SPAG16: variants seen among roughly 807,000 people sequenced by gnomAD.
SPAG16 encodes the protein sperm associated antigen 16, also known as sperm-associated antigen 16 protein.
In SPAG16, 86 loss-of-function variants were observed where a neutral mutation model predicts 80.4. That is an observed-to-expected ratio of 1.07 (90% CI 0.90 to 1.28). SPAG16 has a LOEUF of 1.28. Among genes scored for constraint, SPAG16 ranks in the 50% most tolerant of loss-of-function variants. The pLI is 0.00. For synonymous variants in SPAG16, 294 were observed against 265.9 expected (o/e 1.11, Z -1.03); for missense variants, 870 against 765.3 (o/e 1.14, Z -1.61).
chr2:214,081,830 T>C (rs1365625626), intron 13 of SPAG16, among the ~76,000 whole-genome samples: 4 of 114,210 alleles, frequency 3.5e-5, no homozygotes, highest in Non-Finnish European at 4.0e-5. Flanking sequence ...TCTCTCCTAC[T>C]CATTGTATTT....
intron 10 of SPAG16, among the ~76,000 whole-genome samples, chr2:213,588,980 C>T (rs1431613217): frequency 6.6e-6 from 1 of 152,000 alleles, no homozygotes; most frequent in Non-Finnish European, 1.5e-5. Flanking sequence ...ATAATCTGAT[C>T]AACTCCTTCT....
chr2:214,295,030 G>C (rs1448381251), intron 15 of SPAG16, among the ~76,000 whole-genome samples: 2 of 152,228 alleles, frequency 1.3e-5, no homozygotes, highest in African/African-American at 4.8e-5. Flanking sequence ...AGTGCCATCT[G>C]TCTAGGGTCT....
At chr2:213,723,290 C>G (rs1394245779) in intron 10 of SPAG16, among the ~76,000 whole-genome samples, 3 of 152,108 alleles carry the variant, frequency 2.0e-5, no homozygotes, top group African/African-American at 7.2e-5. Flanking sequence ...GATTTAGATA[C>G]TAATTTAGAT....
chr2:214,159,932 G>A (rs765652949), intron 15 of SPAG16, among the ~76,000 whole-genome samples: 5 of 151,924 alleles, frequency 3.3e-5, no homozygotes, highest in Non-Finnish European at 5.9e-5. Flanking sequence ...CTAACAGTGA[G>A]AATTATGTTA....
intron 15 of SPAG16, among the ~76,000 whole-genome samples, chr2:214,222,548 G>T (rs1224485425): frequency 6.6e-6 from 1 of 152,100 alleles, no homozygotes; most frequent in Non-Finnish European, 1.5e-5. Flanking sequence ...GAAAATTTTT[G>T]TCACTCAATC....
Position 213,364,116 on chromosome 2 carries a change from G to T in SPAG16, c.803G>T (p.Gly268Val). Residue 268 changes from glycine (G) to valine (V), a missense_variant, in exon 8 of 16, where the codon GGA becomes GTA. By Grantham distance (109) the Gly-to-Val change is moderately radical. Transcript: ENST00000331683. ...GAAACATTGAAGAAACTGCAAAGAG[G>T]ACATAGTTACCATGGTCCTCAAATT... ...LQETLKKLQR[G>V]HSYHGPQIKV... 6.5e-7 allele frequency: 1 copy of T among 1,527,092 alleles called. No homozygotes were observed. 94.6% of individuals were successfully genotyped at this position (1,527,092 alleles called of 1,614,324 possible). A position where few individuals can be genotyped will look rare whatever the true frequency, so the allele number is the denominator to read the frequency against.
chr2:213,322,821 G>A (rs2063680817), intron 5 of SPAG16, among the ~76,000 whole-genome samples: 1 of 152,014 alleles, frequency 6.6e-6, no homozygotes, highest in Non-Finnish European at 1.5e-5. Context: ...AGAGACTGAG[G>A]GAAAAAGCCA....
At chr2:213,563,532 C>T (rs947966112) in intron 10 of SPAG16, among the ~76,000 whole-genome samples, 5 of 152,192 alleles carry the variant, frequency 3.3e-5, no homozygotes, top group African/African-American at 1.2e-4. Context: ...TCTTTCTGGG[C>T]TCTCACATGG....
At chr2:213,561,350 A>G (rs955637466) in intron 10 of SPAG16, among the ~76,000 whole-genome samples, 5 of 152,220 alleles carry the variant, frequency 3.3e-5, no homozygotes, top group African/African-American at 1.2e-4. Context: ...TTTAACTACT[A>G]TTGACTACAT....
chr2:213,866,977 A>AC (rs5838398), intron 11 of SPAG16, among the ~76,000 whole-genome samples: 90,346 of 152,000 alleles, frequency 0.59, 28,732 homozygotes, highest in South Asian at 0.85. Flanking sequence ...GCATTTAAAA[A>AC]TTGCAAGTCT....
intron 9 of SPAG16, among the ~76,000 whole-genome samples, chr2:213,459,059 G>A (rs1025479658): frequency 6.6e-6 from 1 of 151,994 alleles, no homozygotes; most frequent in Non-Finnish European, 1.5e-5. Flanking sequence ...CATTTTTGAA[G>A]AATTTCTCCC....
At chr2:213,966,249 A>G (rs1482336947) in intron 12 of SPAG16, among the ~76,000 whole-genome samples, 1 of 152,118 alleles carries the variant, frequency 6.6e-6, no homozygotes, top group Non-Finnish European at 1.5e-5. Flanking sequence ...TTGTAACTCA[A>G]TTGTCATGGT....
intron 12 of SPAG16, among the ~76,000 whole-genome samples, chr2:213,965,902 A>G (rs1399241791): frequency 2.6e-5 from 4 of 152,192 alleles, no homozygotes; most frequent in Non-Finnish European, 5.9e-5. Context: ...GGTTGGGATG[A>G]CAGCCTCTGG....
chr2:213,417,421 C>G (rs1481339392), intron 9 of SPAG16, among the ~76,000 whole-genome samples: 2 of 152,302 alleles, frequency 1.3e-5, no homozygotes, highest in African/African-American at 2.4e-5. Context: ...TAAGAAATTA[C>G]TTTTGTACAA....
intron 12 of SPAG16, among the ~76,000 whole-genome samples, chr2:213,982,942 A>T (rs1411331156): frequency 6.6e-6 from 1 of 152,034 alleles, no homozygotes; most frequent in Non-Finnish European, 1.5e-5. Flanking sequence ...ACTATAATTT[A>T]AAATACTTGC....
intron 10 of SPAG16, among the ~76,000 whole-genome samples, chr2:213,849,055 G>T (rs1172613871): frequency 6.6e-6 from 1 of 152,058 alleles, no homozygotes; most frequent in Non-Finnish European, 1.5e-5. Context: ...AAGAAAAAAA[G>T]ATGTATTTTT....
chr2:213,648,085 T>A (rs752036169), intron 10 of SPAG16, among the ~76,000 whole-genome samples: 27 of 152,242 alleles, frequency 1.8e-4, no homozygotes, highest in Admixed American at 5.9e-4. Flanking sequence ...ACTTTGTATT[T>A]ATCTATTCAT....
chr2:214,208,215 A>G (rs578129607), intron 15 of SPAG16, among the ~76,000 whole-genome samples: 54 of 152,312 alleles, frequency 3.5e-4, no homozygotes, highest in Non-Finnish European at 7.1e-4. Flanking sequence ...GATAACATAA[A>G]AGAGAATAAT....
intron 14 of SPAG16, among the ~76,000 whole-genome samples, chr2:214,112,695 T>A (rs2053733021): frequency 1.3e-5 from 2 of 149,010 alleles, no homozygotes; most frequent in African/African-American, 5.0e-5. Context: ...TCCATCCCTT[T>A]ATTTTGAGCC....
Sources: gnomAD v4.1 joint callset for allele counts (sites outside exome capture counted in the v4.1 genomes callset) on GRCh38, gnomAD v4.1.1 for gene constraint, MANE v1.5 for transcripts, NCBI Gene and HGNC (gene_info 2026-07-23, HGNC 2026-07-21) for gene names.